The following ENOX1 variants were observed in gnomAD, a reference collection of about 807,000 sequenced individuals.
ENOX1 encodes the protein candidate growth-related and time keeping constitutive hydroquinone (NADH) oxidase.
A neutral mutation model predicts 82.5 loss-of-function variants in ENOX1; 42 were observed. That is an observed-to-expected ratio of 0.51 (90% CI 0.40 to 0.66). ENOX1 has a LOEUF of 0.66. Ranked by LOEUF, ENOX1 falls within the 30% of genes least tolerant of loss-of-function variation. The pLI is 0.00. For synonymous variants in ENOX1, 271 were observed against 282.2 expected (o/e 0.96, Z 0.40); for missense variants, 608 against 811.6 (o/e 0.75, Z 3.05).
intron 2 of ENOX1, among the ~76,000 whole-genome samples, chr13:43,507,166 T>C (rs1214607604): frequency 6.6e-6 from 1 of 151,498 alleles, no homozygotes; most frequent in Admixed American, 6.6e-5. Flanking sequence ...GAAAGAGAAA[T>C]GAAAAACAGA....
intron 14 of ENOX1, among the ~76,000 whole-genome samples, chr13:43,256,582 G>A (rs1395254352): frequency 6.6e-6 from 1 of 152,114 alleles, no homozygotes; most frequent in African/African-American, 2.4e-5. Context: ...CTAATTATCA[G>A]GGAAATGCAA....
chr13:43,262,327 A>G (rs1257717891), intron 14 of ENOX1, among the ~76,000 whole-genome samples: 1 of 152,218 alleles, frequency 6.6e-6, no homozygotes, highest in Admixed American at 6.5e-5. Flanking sequence ...CTCTCACAAG[A>G]ACACCCAGCT....
chr13:43,295,783 T>C (rs368497474), intron 12 of ENOX1, among the ~76,000 whole-genome samples: 6 of 152,310 alleles, frequency 3.9e-5, no homozygotes, highest in South Asian at 2.1e-4. Flanking sequence ...AATTAGCAAA[T>C]TGTGGTCATT....
chr13:43,693,105 C>G lies in ENOX1; in HGVS notation c.-284-25561G>C, dbSNP rs148085825. 5.3e-4 allele frequency among the ~76,000 whole-genome samples: 80 copies of G among 152,046 alleles called. 1 individual carries two copies. The highest frequency in any genetic ancestry group is 1.8e-3 in the African/African-American group (75 of 41,516). On this transcript the variant is annotated intron_variant, in intron 1 of 16. Transcript: ENST00000690772. ...TAAATAGGTGTGCTTACATGTACAACAAGAAAAAAACTTAGAAGGATATTT... is the reference window on the plus strand; with the variant it reads ...TAAATAGGTGTGCTTACATGTACAAGAAGAAAAAAACTTAGAAGGATATTT...
chr13:43,300,236 C>T (rs2046497272), intron 11 of ENOX1, among the ~76,000 whole-genome samples: 1 of 152,078 alleles, frequency 6.6e-6, no homozygotes, highest in Non-Finnish European at 1.5e-5. Context: ...AGACAGAATA[C>T]ATCTCTTCTC....
intron 2 of ENOX1, among the ~76,000 whole-genome samples, chr13:43,587,808 A>G (rs1289713932): frequency 2.0e-5 from 3 of 152,256 alleles, no homozygotes; most frequent in Non-Finnish European, 1.5e-5. Context: ...GTAAAAATAA[A>G]TACAGTTATT....
intron 1 of ENOX1, among the ~76,000 whole-genome samples, chr13:43,738,332 T>C (rs1357100509): frequency 6.6e-6 from 1 of 152,194 alleles, no homozygotes; most frequent in Non-Finnish European, 1.5e-5. Flanking sequence ...TAATTTAAAG[T>C]TCTCTGACGT....
At chr13:43,616,162 C>CTATATATAGA (rs1566641605) in intron 2 of ENOX1, among the ~76,000 whole-genome samples, 676 of 7,502 alleles carry the variant, frequency 0.09, 83 homozygotes, top group East Asian at 0.16. Context: ...AGATAGATAT[C>CTATATATAGA]TATCTATCTA....
At chr13:43,373,601 T>C (rs773263092) in intron 5 of ENOX1, among the ~76,000 whole-genome samples, 1 of 152,182 alleles carries the variant, frequency 6.6e-6, no homozygotes, top group Non-Finnish European at 1.5e-5. Context: ...CACACACGTG[T>C]GCATAAACAC....
chr13:43,601,911 A>G (rs1391713813), intron 2 of ENOX1, among the ~76,000 whole-genome samples: 1 of 152,198 alleles, frequency 6.6e-6, no homozygotes, highest in Non-Finnish European at 1.5e-5. Flanking sequence ...TAAAGTGCTT[A>G]CAGAAAAAAA....
chr13:43,372,350 C>A (rs186011959), intron 5 of ENOX1, among the ~76,000 whole-genome samples: 1 of 152,286 alleles, frequency 6.6e-6, no homozygotes. Flanking sequence ...CAGAATTGGT[C>A]TTTGAATGCT....
At chr13:43,625,130 T>G (rs932885515) in intron 2 of ENOX1, among the ~76,000 whole-genome samples, 8 of 152,064 alleles carry the variant, frequency 5.3e-5, no homozygotes, top group African/African-American at 1.9e-4. Flanking sequence ...TTAGAGCAAT[T>G]GTAAATGGTA....
At chr13:43,333,680 C>T (rs768353804) in intron 9 of ENOX1, among the ~76,000 whole-genome samples, 3 of 152,202 alleles carry the variant, frequency 2.0e-5, no homozygotes, top group Admixed American at 6.5e-5. Context: ...TGAAGTGCAG[C>T]GGCATGATCT....
chr13:43,213,217 G>T lies in ENOX1; in HGVS notation c.*773C>A, dbSNP rs1204525675. 6.6e-6 allele frequency among the ~76,000 whole-genome samples: 1 copy of T among 152,050 alleles called. No homozygotes were observed. Among genetic ancestry groups the T allele is most frequent in the Non-Finnish European group, 1.5e-5 (1 of 67,976 alleles). On this transcript the variant is annotated 3_prime_UTR_variant, in exon 17 of 17. Coordinates refer to ENST00000690772, the MANE Select transcript of ENOX1 (RefSeq NM_001347969.2). ...ATATTTACTGAATGTTTATTTTGAT[G>T]CATAAACCTGAATGTTACATACCAA...
At chr13:43,474,411 C>G (rs905163975) in intron 3 of ENOX1, among the ~76,000 whole-genome samples, 7 of 152,148 alleles carry the variant, frequency 4.6e-5, no homozygotes, top group Non-Finnish European at 8.8e-5. Flanking sequence ...ATGTCTATGT[C>G]TCAAGTATTA....
chr13:43,535,623 T>G (rs1416629338), intron 2 of ENOX1, among the ~76,000 whole-genome samples: 1 of 152,180 alleles, frequency 6.6e-6, no homozygotes, highest in Non-Finnish European at 1.5e-5. Context: ...ATTCAGGTGT[T>G]AAAAGTTTCA....
intron 2 of ENOX1, among the ~76,000 whole-genome samples, chr13:43,594,681 A>C (rs1001063498): frequency 6.6e-6 from 1 of 152,218 alleles, no homozygotes; most frequent in African/African-American, 2.4e-5. Flanking sequence ...AGAAACAAAG[A>C]GGGAGAGAAC....
At chr13:43,299,034 T>C (rs1457567964) in intron 11 of ENOX1, among the ~76,000 whole-genome samples, 1 of 152,224 alleles carries the variant, frequency 6.6e-6, no homozygotes, top group Admixed American at 6.5e-5. Flanking sequence ...TCCTTCCTGC[T>C]CTACTGCTGG....
At chr13:43,381,991 G>A (rs1030063595) in intron 5 of ENOX1, among the ~76,000 whole-genome samples, 1 of 151,950 alleles carries the variant, frequency 6.6e-6, no homozygotes, top group Non-Finnish European at 1.5e-5. Flanking sequence ...GAAAATTAAA[G>A]GGTATACCTT....
Sources: gnomAD v4.1 joint callset for allele counts (sites outside exome capture counted in the v4.1 genomes callset) on GRCh38, gnomAD v4.1.1 for gene constraint, MANE v1.5 for transcripts, NCBI Gene and HGNC (gene_info 2026-07-23, HGNC 2026-07-21) for gene names.